DELE1: variants seen among roughly 807,000 people sequenced by gnomAD.
DELE1 encodes DAP3 binding cell death enhancer 1, also known as death ligand signal enhancer.
A neutral mutation model predicts 59.3 loss-of-function variants in DELE1; 54 were observed. The ratio of observed to expected loss-of-function variants is 0.91; its 90% confidence interval spans 0.73 to 1.14. The LOEUF is 1.14. DELE1 is among the 50% of genes most tolerant of loss of function. The pLI is 0.00. For missense variants in DELE1, 636 were observed against 643.9 expected, an observed-to-expected ratio of 0.99 and a Z score of 0.13; for synonymous variants, 264 against 259.1, an observed-to-expected ratio of 1.02 and a Z score of -0.18.
In DELE1 at chr5:141,941,869, CA is replaced by C. The variant is rs1460226817; in HGVS notation, c.*3111del. On this transcript the variant is annotated 3_prime_UTR_variant, in exon 12 of 12. Coordinates refer to ENST00000432126, the MANE Select transcript of DELE1 (RefSeq NM_014773.5). ...AATGCCCAGCACCAAGCCTACCCAG[CA>C]CATAGTAGGTACTTTAAGTAATTTG... The C allele has an allele frequency of 1.0e-6, 1 of 985,118 alleles. No individual in the cohort carries two copies. The highest frequency in any genetic ancestry group is 6.2e-5 in the Admixed American group (1 of 16,256). The allele number at this position is 985,118 out of a possible 1,614,324, so 61.0% of individuals were successfully genotyped here.
At chr5:141,928,319 A>G (rs1315338934) in intron 4 of DELE1, 21 bp downstream of exon 4, 1 of 1,608,716 alleles carries the variant, frequency 6.2e-7, no homozygotes, top group East Asian at 2.2e-5. Context: ...AGTCCTGGGG[A>G]CAGGAGGGCT....
At chr5:141,924,045 A>T in intron 1 of DELE1, 73 bp downstream of exon 1, 1 of 1,559,230 alleles carries the variant, frequency 6.4e-7, no homozygotes. Flanking sequence ...GGGCCCGAGG[A>T]AACAGCCGAA....
rs971649793 is a variant in DELE1, at chr5:141,934,276, C to T, written c.934C>T (p.His312Tyr). Residue 312 changes from histidine (H) to tyrosine (Y), a missense_variant, in exon 9 of 12, where the codon CAC becomes TAC. Physicochemically the swap from His to Tyr is moderately conservative, Grantham distance 83 (BLOSUM62 2). Coordinates refer to ENST00000432126, the MANE Select transcript of DELE1 (RefSeq NM_014773.5). ...TTATCAGTTGGCTGCCAGCCAGGGC[C>T]ACAGCCTGGCTCAGTACCGCTATGC... ...LYYQLAASQG[H>Y]SLAQYRYARC... The T allele has an allele frequency of 6.2e-7, 1 of 1,612,994 alleles. No homozygotes were observed. The highest frequency in any genetic ancestry group is 1.3e-5 in the African/African-American group (1 of 74,930).
At chr5:141,926,803 G>C (rs1751460611) in intron 3 of DELE1, among the ~76,000 whole-genome samples, 1 of 152,240 alleles carries the variant, frequency 6.6e-6, no homozygotes, top group African/African-American at 2.4e-5. Flanking sequence ...CTGAGCCCTA[G>C]GGCTGTCCCA....
At position 141,941,034 on chromosome 5, in the gene DELE1, C is replaced by T; in HGVS notation, c.*2275C>T. Reference sequence around the variant, plus strand: ...TTCTCTCACTGAATTGAGCCCAGAGCCCGTTTCCCTACAGATTGCTTTTGA... The same window carrying T: ...TTCTCTCACTGAATTGAGCCCAGAGTCCGTTTCCCTACAGATTGCTTTTGA... On this transcript the variant is annotated 3_prime_UTR_variant, in exon 12 of 12. Coordinates refer to ENST00000432126, the MANE Select transcript of DELE1 (RefSeq NM_014773.5). 4 of 985,424 alleles carry T rather than the reference C, an allele frequency of 4.1e-6. No individual in the cohort carries two copies. Among genetic ancestry groups the T allele is most frequent in the Non-Finnish European group, 4.8e-6 (4 of 829,938 alleles). The allele number at this position is 985,424 out of a possible 1,614,324, so 61.0% of individuals were successfully genotyped here.
rs374708558 is a variant in DELE1, at chr5:141,938,796, G to A, written c.*37G>A. Reference sequence around the variant, plus strand: ...ACATAGTCCCTGGTGCCTCTTAGGGGCCAGAGCGGGCAGGAGGTTGGATAA... The same window carrying A: ...ACATAGTCCCTGGTGCCTCTTAGGGACCAGAGCGGGCAGGAGGTTGGATAA... On this transcript the variant is annotated 3_prime_UTR_variant, in exon 12 of 12. Transcript: ENST00000432126. 23 of 1,569,302 alleles carry A rather than the reference G, an allele frequency of 1.5e-5. No individual in the cohort carries two copies. In the Middle Eastern group the frequency reaches 1.2e-3, roughly 83 times the overall value.
chr5:141,925,362 C>T (rs775616023), intron 2 of DELE1, 48 bp from the exon 3 acceptor site: 1 of 1,319,762 alleles, frequency 7.6e-7, no homozygotes, highest in Non-Finnish European at 1.0e-6. Context: ...CACCCAGTCC[C>T]TGGTCTCCCT....
chr5:141,938,431 G>A, intron 11 of DELE1, 90 bp from the exon 12 acceptor site: 2 of 1,533,502 alleles, frequency 1.3e-6, no homozygotes, highest in Non-Finnish European at 1.8e-6. Flanking sequence ...CAATGCCTGG[G>A]GAACCAAGCC....
chr5:141,925,175 C>T (rs183636484), intron 2 of DELE1, among the ~76,000 whole-genome samples: 9 of 151,636 alleles, frequency 5.9e-5, no homozygotes, highest in South Asian at 2.1e-4. Flanking sequence ...ATGATCTGCC[C>T]GCCTCAGCCT....
At position 141,938,804 on chromosome 5, in the gene DELE1, G is replaced by C; in HGVS notation, c.*45G>C. ...CCTGGTGCCTCTTAGGGGCCAGAGCGGGCAGGAGGTTGGATAACAAAAATA... is the reference window on the plus strand; with the variant it reads ...CCTGGTGCCTCTTAGGGGCCAGAGCCGGCAGGAGGTTGGATAACAAAAATA... On this transcript the variant is annotated 3_prime_UTR_variant, in exon 12 of 12. Coordinates refer to ENST00000432126, the MANE Select transcript of DELE1 (RefSeq NM_014773.5). The C allele has an allele frequency of 1.3e-6, 2 of 1,551,090 alleles. No homozygotes were observed. The highest frequency in any genetic ancestry group is 1.2e-5 in the South Asian group (1 of 83,778).
chr5:141,929,188 A>G (rs1373359453), intron 4 of DELE1, among the ~76,000 whole-genome samples: 6 of 152,126 alleles, frequency 3.9e-5, no homozygotes, highest in Non-Finnish European at 8.8e-5. Context: ...TGGCCTCTAA[A>G]ACCTCAGGGA....
chr5:141,936,799 A>G, intron 10 of DELE1: 2 of 824,772 alleles, frequency 2.4e-6, no homozygotes, highest in South Asian at 1.1e-4. Flanking sequence ...AGATTCAGGA[A>G]GGCACAGGGC....
Position 141,934,177 on chromosome 5 carries a change from C to T in DELE1, c.898-63C>T. ...TAATTAAAATAATTTTTAAAAATTT[C>T]ACTGAGTGCAAAAGATGCTTACAGA... is the stretch of plus-strand genomic sequence containing the variant. On this transcript the variant is annotated intron_variant, in intron 8 of 11. Coordinates refer to ENST00000432126, the MANE Select transcript of DELE1 (RefSeq NM_014773.5). 3.6e-6 allele frequency: 5 copies of T among 1,406,388 alleles called. No individual in the cohort carries two copies. In the Admixed American group the frequency reaches 7.4e-5, roughly 21 times the overall value. The allele number at this position is 1,406,388 out of a possible 1,614,324, so 87.1% of individuals were successfully genotyped here.
Position 141,940,936 on chromosome 5 carries a change from G to T in DELE1, c.*2177G>T. 4 of 972,912 alleles carry T rather than the reference G, an allele frequency of 4.1e-6. No individual in the cohort carries two copies. The highest frequency in any genetic ancestry group is 4.9e-6 in the Non-Finnish European group (4 of 818,546). The allele number at this position is 972,912 out of a possible 1,614,324, so 60.3% of individuals were successfully genotyped here. On this transcript the variant is annotated 3_prime_UTR_variant, in exon 12 of 12. Transcript: ENST00000432126. ...CTGCACCAGACGTCCCCTTTTTATA[G>T]ATTCACAATACACATCAGCATATTT... is the stretch of plus-strand genomic sequence containing the variant.
In DELE1 at chr5:141,925,446, A is replaced by G; in HGVS notation, c.183A>G (p.Pro61=). 1.2e-6 allele frequency: 2 copies of G among 1,602,970 alleles called. No individual in the cohort carries two copies. The highest frequency in any genetic ancestry group is 1.7e-6 in the Non-Finnish European group (2 of 1,174,986). The change falls in exon 3 of 12, where the codon CCA becomes CCG. Residue 61 remains proline, a synonymous_variant. Coordinates refer to ENST00000432126, the MANE Select transcript of DELE1 (RefSeq NM_014773.5). Reference sequence around the variant, plus strand: ...ATGGCCCAGGCACGAGCGGGGGTCCAAGGTCCCATGGATGGAAGGATGCCT... The same window carrying G: ...ATGGCCCAGGCACGAGCGGGGGTCCGAGGTCCCATGGATGGAAGGATGCCT... ...GPHGPGTSGG[P]RSHGWKDAFQ...
chr5:141,924,736 C>G, intron 2 of DELE1, 41 bp downstream of exon 2: 1 of 1,248,690 alleles, frequency 8.0e-7, no homozygotes, highest in South Asian at 1.3e-5. Context: ...CTCCCCTAGT[C>G]ACCCTTTTTT....
intron 5 of DELE1, 41 bp downstream of exon 5, chr5:141,929,781 G>T: frequency 6.2e-7 from 1 of 1,608,682 alleles, no homozygotes. Flanking sequence ...GGCAGGGGGC[G>T]GTGGTGGTGA....
chr5:141,935,478 C>A (rs1432079562), intron 10 of DELE1, among the ~76,000 whole-genome samples: 3 of 152,212 alleles, frequency 2.0e-5, no homozygotes, highest in Non-Finnish European at 4.4e-5. Flanking sequence ...TATGCGTGAA[C>A]TGTAATCTCC....
intron 10 of DELE1, chr5:141,936,905 C>T (rs1277673836): frequency 3.0e-6 from 3 of 985,232 alleles, no homozygotes; most frequent in Non-Finnish European, 2.4e-6. Context: ...CTGAGTGTTT[C>T]CTGTAGCCTT....
Sources: allele counts gnomAD v4.1 joint callset (sites outside exome capture counted in the v4.1 genomes callset), GRCh38; gene constraint gnomAD v4.1.1; transcripts MANE v1.5; gene names NCBI Gene and HGNC (gene_info 2026-07-23, HGNC 2026-07-21).